The following LDB1 variants were observed in gnomAD, a reference collection of about 807,000 sequenced individuals.
LDB1 encodes LIM domain-binding protein 1.
Under a neutral mutation model 49.7 loss-of-function variants are expected in LDB1, and 6 were observed. The ratio of observed to expected loss-of-function variants is 0.12; its 90% CI spans 0.07 to 0.24. LDB1 has a LOEUF of 0.24. Ranked by LOEUF, LDB1 falls within the 10% of genes least tolerant of loss-of-function variation. The probability of loss-of-function intolerance (pLI) is 1.00; values close to 1 mark genes in which losing one functional copy is unlikely to be tolerated. For synonymous variants in LDB1, 233 were observed against 202.0 expected (o/e 1.15, Z -1.30); for missense variants, 341 against 561.7 (o/e 0.61, Z 3.97).
At chr10:102,116,319 T>C (rs573450607) in intron 1 of LDB1, among the ~76,000 whole-genome samples, 5 of 152,118 alleles carry the variant, frequency 3.3e-5, no homozygotes, top group Non-Finnish European at 7.4e-5. Context: ...GTAGCTGAGA[T>C]TACAGGTGCA....
downstream of LDB1, among the ~76,000 whole-genome samples, chr10:102,104,023 C>T (rs1235812067): frequency 6.6e-6 from 1 of 151,456 alleles, no homozygotes; most frequent in Non-Finnish European, 1.5e-5. Flanking sequence ...CATCATGCCA[C>T]TACACTCCAG....
In LDB1 at chr10:102,109,231, C is replaced by T; in HGVS notation, c.857-54G>A. 6 of 1,610,756 alleles carry T rather than the reference C, an allele frequency of 3.7e-6. No homozygotes were observed. The highest frequency in any genetic ancestry group is 4.2e-6 in the Non-Finnish European group (5 of 1,178,966). On this transcript the variant is annotated intron_variant, in intron 9 of 10. Transcript: ENST00000673968. The surrounding 1 kb of genome is among the most constrained non-coding windows in gnomAD (Gnocchi z 5.8). ...GAGAGGGCCCCAGGTCCCCTATTCT[C>T]CATTGTGGCTCCCAAGGAGCATGAG...
rs558516308 is a variant in LDB1, at chr10:102,106,541, CAAAAAAAAAAAAAAAAAAAAAAAAAAAA to C, written c.*1524_*1551del. On this transcript the variant is annotated 3_prime_UTR_variant, in exon 11 of 11. Coordinates refer to ENST00000673968, the MANE Select transcript of LDB1 (RefSeq NM_001113407.3). Reference sequence around the variant, plus strand: ...GGTACCATACATGACTCAAATGGCCCAAAAAAAAAAAAAAAAAAAAAAAAAAAAAAAAAAAAAAAAAAAGGCATTACAG... The same window carrying C: ...GGTACCATACATGACTCAAATGGCCCAAAAAAAAAAAAAAAGGCATTACAG... Among the ~76,000 whole-genome samples, 39 of 17,758 alleles carry C rather than the reference CAAAAAAAAAAAAAAAAAAAAAAAAAAAA, an allele frequency of 2.2e-3. 1 individual carries two copies. The highest frequency in any genetic ancestry group is 6.8e-3 in the African/African-American group (29 of 4,258). 11.6% of individuals were successfully genotyped at this position (17,758 alleles called of 152,430 possible).
chr10:102,106,287 G>T (rs1014951174), downstream of LDB1, among the ~76,000 whole-genome samples: 2 of 151,926 alleles, frequency 1.3e-5, no homozygotes, highest in African/African-American at 4.8e-5. Flanking sequence ...TGAGGGAGAT[G>T]GGGCCAAGCT....
intron 6 of LDB1, chr10:102,110,301 CTA>C (rs1449933096): frequency 1.3e-5 from 8 of 624,238 alleles, no homozygotes; most frequent in Admixed American, 3.0e-5. Flanking sequence ...CTGCTCTAAG[CTA>C]TATGAGGGCA....
upstream of LDB1, among the ~76,000 whole-genome samples, chr10:102,121,419 G>C (rs141920373): frequency 6.6e-6 from 1 of 152,086 alleles, no homozygotes; most frequent in Admixed American, 6.5e-5. Flanking sequence ...TGTGGGCCGT[G>C]GGGGGTTGGA....
At position 102,111,284 on chromosome 10, in the gene LDB1, G is replaced by A. The variant is rs770225174; in HGVS notation, c.145C>T (p.Pro49Ser). The change falls in exon 3 of 11, where the codon CCG becomes TCG. Residue 49 changes from proline to serine, a missense_variant. Physicochemically the swap from Pro to Ser is moderately conservative, Grantham distance 74. This residue lies in a region of LDB1 where 48 missense variants were observed against 43.9 expected (regional missense o/e 1.09). Coordinates refer to ENST00000673968, the MANE Select transcript of LDB1 (RefSeq NM_001113407.3). ...DRDVGPTPMY[P>S]PTYLEPGIGR... The stretch of plus-strand genomic sequence containing the variant: ...ATCCCTGGCTCCAGGTATGTAGGCG[G>A]ATACATGGGAGTTGGGCTGTGTAAA... 6.2e-7 allele frequency: 1 copy of A among 1,614,164 alleles called. No homozygotes were observed.
chr10:102,110,419 G>T, intron 6 of LDB1, 110 bp downstream of exon 6: 1 of 1,111,614 alleles, frequency 9.0e-7, no homozygotes, highest in Non-Finnish European at 1.3e-6. Flanking sequence ...TTCTTATTTT[G>T]CCAGTTCACA....
chr10:102,110,091 C>G, intron 6 of LDB1, 48 bp from the exon 7 acceptor site: 1 of 1,579,134 alleles, frequency 6.3e-7, no homozygotes, highest in Non-Finnish European at 8.7e-7. Context: ...CATACCATAC[C>G]TGAAGGTATG....
chr10:102,114,669 G>C (rs893916643), intron 1 of LDB1: 5 of 879,184 alleles, frequency 5.7e-6, no homozygotes, highest in East Asian at 2.4e-4. Context: ...GGCCGGCCTG[G>C]GGGGCGGGGG....
chr10:102,111,180 G>C, intron 3 of LDB1, 36 bp from the exon 4 acceptor site: 2 of 1,611,772 alleles, frequency 1.2e-6, no homozygotes, highest in Non-Finnish European at 1.7e-6. Flanking sequence ...AGTAGGAGCG[G>C]AGCCTGCCCC....
In LDB1 at chr10:102,120,244, C is replaced by T. The variant is rs1165443098; in HGVS notation, c.-134G>A. On this transcript the variant is annotated 5_prime_UTR_variant, in exon 1 of 11. Transcript: ENST00000673968. ...CCGCCGGCCCGGCCCGGCCTCGGCC[C>T]GGTGCGGGCGGCCCCTGGCTGCGGC... 1 of 982,778 alleles carries T rather than the reference C, an allele frequency of 1.0e-6. No individual in the cohort carries two copies. The highest frequency in any genetic ancestry group is 1.8e-5 in the African/African-American group (1 of 56,830). 60.9% of individuals were successfully genotyped at this position (982,778 alleles called of 1,614,324 possible). A position where few individuals can be genotyped will look rare whatever the true frequency, so the allele number is the denominator to read the frequency against.
intron 10 of LDB1, 104 bp from the exon 11 acceptor site, chr10:102,108,427 G>A: frequency 1.3e-6 from 1 of 794,948 alleles, no homozygotes; most frequent in East Asian, 2.7e-5. Context: ...AAGCTCAAGA[G>A]TCCCCACCCC....
At chr10:102,114,317 C>A (rs872568) in intron 1 of LDB1, 55,667 of 985,032 alleles carry the variant, frequency 0.057, 1,828 homozygotes, top group African/African-American at 0.14. Context: ...TGGGCTGGGG[C>A]ACCTCTCCCC....
In LDB1 at chr10:102,106,789, C is replaced by T. The variant is rs1423749106; in HGVS notation, c.*1304G>A. On this transcript the variant is annotated 3_prime_UTR_variant, in exon 11 of 11. Coordinates refer to ENST00000673968, the MANE Select transcript of LDB1 (RefSeq NM_001113407.3). ...AGGCAGCAAAGCCACAGAGCTGGACCAGCTGCGTGAAACCCTGCTCCTGGC... is the reference window on the plus strand; with the variant it reads ...AGGCAGCAAAGCCACAGAGCTGGACTAGCTGCGTGAAACCCTGCTCCTGGC... Among the ~76,000 whole-genome samples the T allele has an allele frequency of 6.6e-6, 1 of 152,042 alleles. No individual in the cohort carries two copies. The highest frequency in any genetic ancestry group is 1.5e-5 in the Non-Finnish European group (1 of 68,020).
chr10:102,110,886 T>C lies in LDB1; in HGVS notation c.335A>G (p.Asp112Gly), dbSNP rs1428316921. The change falls in exon 5 of 11, where the codon GAT (aspartate) becomes GGT (glycine). Residue 112 changes from aspartate to glycine, a missense_variant. Physicochemically the swap from Asp to Gly is moderately conservative, Grantham distance 94. Transcript: ENST00000673968. ...AMLTITFCLE[D>G]GPKRYTIGRT... ...CCACTTACTATATCTCTTTGGTCCA[T>C]CCTCCAGGCAGAAAGTGATGGTCAA... 1 of 1,613,864 alleles carries C rather than the reference T, an allele frequency of 6.2e-7. No homozygotes were observed. Among genetic ancestry groups the C allele is most frequent in the African/African-American group, 1.3e-5 (1 of 74,876 alleles).
intron 1 of LDB1, chr10:102,114,812 G>GGGGGGGCCCCCCCCCCCC: frequency 8.6e-6 from 8 of 929,808 alleles, no homozygotes; most frequent in Non-Finnish European, 1.0e-5. Context: ...CCTCCGAGCA[G>GGGGGGGCCCCCCCCCCCC]CCCGCCCGCC....
At chr10:102,108,844 T>G (rs2068208261) in intron 10 of LDB1, 185 bp downstream of exon 10, 1 of 725,568 alleles carries the variant, frequency 1.4e-6, no homozygotes, top group African/African-American at 1.8e-5. Context: ...TGAGTCTGTG[T>G]GATCACACCC....
downstream of LDB1, among the ~76,000 whole-genome samples, chr10:102,102,603 T>C (rs1443400315): frequency 2.0e-5 from 3 of 152,206 alleles, no homozygotes; most frequent in Admixed American, 2.0e-4. Context: ...TCTGGAAGTG[T>C]GAGTCAGCTT....
Sources: gnomAD v4.1 joint callset for allele counts (sites outside exome capture counted in the v4.1 genomes callset) on GRCh38, gnomAD v4.1.1 for gene constraint, gnomAD v4.1.1 regional missense constraint, Gnocchi (gnomAD v3.1) non-coding constraint, MANE v1.5 for transcripts, NCBI Gene and HGNC (gene_info 2026-07-23, HGNC 2026-07-21) for gene names.